The following C5orf63 variants were observed in gnomAD, a reference collection of about 807,000 sequenced individuals.
The protein encoded by C5orf63 is glutaredoxin-like protein C5orf63.
A neutral mutation model predicts 13.3 loss-of-function variants in C5orf63; 18 were observed. That is an observed-to-expected ratio of 1.36 (90% confidence interval 0.94 to 2.01). C5orf63 has a LOEUF of 2.01. Among genes scored for constraint, C5orf63 ranks in the 30% most tolerant of loss-of-function variants. The pLI, the probability that C5orf63 is intolerant of heterozygous loss-of-function variation, is 0.00. For missense variants in C5orf63, 118 were observed against 127.7 expected, an observed-to-expected ratio of 0.92 and a Z score of 0.36; for synonymous variants, 38 against 44.7, an observed-to-expected ratio of 0.85 and a Z score of 0.60.
chr5:127,051,759 T>C lies in C5orf63; in HGVS notation c.*12A>G, dbSNP rs1753682573. The stretch of plus-strand genomic sequence containing the variant: ...TATGGGAAGAGAGGGTGGAAAATCA[T>C]GAGGGCATCAGTCAGCCTCCAGTAC... On this transcript the variant is annotated 3_prime_UTR_variant, in exon 5 of 5. Coordinates refer to ENST00000296662, the MANE Select transcript of C5orf63 (RefSeq NM_001164478.2). 2 of 1,483,280 alleles carry C rather than the reference T, an allele frequency of 1.3e-6. No individual in the cohort carries two copies. Among genetic ancestry groups the C allele is most frequent in the South Asian group, 1.3e-5 (1 of 74,726 alleles). 91.9% of individuals were successfully genotyped at this position (1,483,280 alleles called of 1,614,324 possible). A position where few individuals can be genotyped will look rare whatever the true frequency, so the allele number is the denominator to read the frequency against.
At chr5:127,064,995 T>G (rs770728366) in intron 2 of C5orf63, among the ~76,000 whole-genome samples, 40 of 152,190 alleles carry the variant, frequency 2.6e-4, no homozygotes, top group Admixed American at 5.9e-4. Context: ...TTAATTTTTT[T>G]TTTGTATCCT....
intron 3 of C5orf63, chr5:127,056,387 T>C (rs1263564579): frequency 6.5e-6 from 1 of 152,768 alleles, no homozygotes; most frequent in Admixed American, 6.5e-5. Flanking sequence ...AAGAGGTTTA[T>C]TGGACTTACA....
chr5:127,059,126 G>C, intron 2 of C5orf63, 124 bp from the exon 3 acceptor site: 1 of 673,752 alleles, frequency 1.5e-6, no homozygotes, highest in Non-Finnish European at 2.6e-6. Context: ...TCAAGTCCAG[G>C]AGTGTTGGAA....
At chr5:127,045,525 T>C (rs1457328918) in exon 5 of C5orf63, 7 of 152,162 alleles carry the variant, frequency 4.6e-5, no homozygotes, top group African/African-American at 1.2e-4. Context: ...GCTTAGATAA[T>C]GCAATATAAT....
chr5:127,054,469 C>T (rs1036020617), intron 3 of C5orf63, among the ~76,000 whole-genome samples: 1 of 152,144 alleles, frequency 6.6e-6, no homozygotes, highest in Non-Finnish European at 1.5e-5. Context: ...TTTTGATTTG[C>T]ATTTCTCTGA....
At chr5:127,070,469 A>C (rs1754495864) in intron 2 of C5orf63, among the ~76,000 whole-genome samples, 2 of 152,226 alleles carry the variant, frequency 1.3e-5, no homozygotes, top group African/African-American at 4.8e-5. Context: ...TGGCAACAGA[A>C]GGCAGCAGCA....
Position 127,051,765 on chromosome 5 carries a change from C to A in C5orf63, c.*6G>T. On this transcript the variant is annotated 3_prime_UTR_variant, in exon 5 of 5. Transcript: ENST00000296662. ...AAGAGAGGGTGGAAAATCATGAGGG[C>A]ATCAGTCAGCCTCCAGTACTTTGCT... The A allele has an allele frequency of 6.7e-7, 1 of 1,493,938 alleles. No homozygotes were observed. The highest frequency in any genetic ancestry group is 8.9e-7 in the Non-Finnish European group (1 of 1,127,084). 92.5% of individuals were successfully genotyped at this position (1,493,938 alleles called of 1,614,324 possible).
At chr5:127,058,825 C>T in intron 3 of C5orf63, 57 bp downstream of exon 3, 5 of 1,159,532 alleles carry the variant, frequency 4.3e-6, no homozygotes, top group Non-Finnish European at 6.2e-6. Context: ...AACTTTGTCC[C>T]TTTTTCTTAA....
At chr5:127,056,172 T>C (rs1361058626) in intron 3 of C5orf63, among the ~76,000 whole-genome samples, 1 of 152,158 alleles carries the variant, frequency 6.6e-6, no homozygotes, top group Non-Finnish European at 1.5e-5. Context: ...GAAACCTGAC[T>C]TAGGCTCAGG....
intron 2 of C5orf63, among the ~76,000 whole-genome samples, chr5:127,070,722 T>TA (rs2126904394): frequency 6.6e-6 from 1 of 152,318 alleles, no homozygotes; most frequent in African/African-American, 2.4e-5. Context: ...TTCAAACAGA[T>TA]ACTCTTCAAA....
chr5:127,064,615 T>C (rs1754251186), intron 2 of C5orf63, among the ~76,000 whole-genome samples: 2 of 152,200 alleles, frequency 1.3e-5, no homozygotes, highest in African/African-American at 4.8e-5. Flanking sequence ...ACTCCCTCTA[T>C]GCAGCTTCTA....
In C5orf63 at chr5:127,051,487, A is replaced by G. The variant is rs1258517933; in HGVS notation, c.*284T>C. On this transcript the variant is annotated 3_prime_UTR_variant, in exon 5 of 5. Transcript: ENST00000296662. ...CCCAGTGACTGTGAAGTGCTTCTCT[A>G]TTAATACAAAAAGGATAAATAAGAC... is the stretch of plus-strand genomic sequence containing the variant. 2.4e-6 allele frequency: 3 copies of G among 1,235,062 alleles called. No individual in the cohort carries two copies. Among genetic ancestry groups the G allele is most frequent in the Non-Finnish European group, 3.0e-6 (3 of 990,014 alleles). 76.5% of individuals were successfully genotyped at this position (1,235,062 alleles called of 1,614,324 possible). A position where few individuals can be genotyped will look rare whatever the true frequency, so the allele number is the denominator to read the frequency against.
chr5:127,059,728 CAAAAAA>C (rs58498141), intron 2 of C5orf63, among the ~76,000 whole-genome samples: 4 of 99,236 alleles, frequency 4.0e-5, no homozygotes, highest in African/African-American at 1.1e-4. Flanking sequence ...GATCTTATCT[CAAAAAA>C]AAAAAAAAAG....
chr5:127,048,487 C>G (rs1168503693), downstream of C5orf63, among the ~76,000 whole-genome samples: 1 of 152,080 alleles, frequency 6.6e-6, no homozygotes, highest in Non-Finnish European at 1.5e-5. Flanking sequence ...TATGAAGTGA[C>G]TCCCAACCTT....
intron 1 of C5orf63, among the ~76,000 whole-genome samples, chr5:127,072,620 G>C (rs945880101): frequency 2.0e-5 from 3 of 151,974 alleles, no homozygotes; most frequent in Non-Finnish European, 4.4e-5. Flanking sequence ...TTGGGGTCAA[G>C]CTAAGGCCAT....
At chr5:127,051,216 G>T, downstream of C5orf63, 1 of 858,520 alleles carries the variant, frequency 1.2e-6, no homozygotes, top group Non-Finnish European at 1.5e-6. Flanking sequence ...TCTTTGGCTA[G>T]GATAATAATT....
downstream of C5orf63, chr5:127,046,728 T>A (rs755784066): frequency 6.6e-6 from 1 of 152,224 alleles, no homozygotes; most frequent in Non-Finnish European, 1.5e-5. Context: ...TTGTAAAATA[T>A]AAGCTGAGTA....
chr5:127,051,647 G>A lies in C5orf63; in HGVS notation c.*124C>T, dbSNP rs1208657102. On this transcript the variant is annotated 3_prime_UTR_variant, in exon 5 of 5. Coordinates refer to ENST00000296662, the MANE Select transcript of C5orf63 (RefSeq NM_001164478.2). ...AAAGGGGAATGTCAACATTTATTTG[G>A]CACCACTGAATTCAGAACATCCTTA... The A allele has an allele frequency of 7.8e-7, 1 of 1,280,438 alleles. No homozygotes were observed. The highest frequency in any genetic ancestry group is 9.9e-7 in the Non-Finnish European group (1 of 1,014,948). 79.3% of individuals were successfully genotyped at this position (1,280,438 alleles called of 1,614,324 possible).
intron 3 of C5orf63, among the ~76,000 whole-genome samples, chr5:127,053,468 T>C (rs573970743): frequency 5.7e-4 from 87 of 152,190 alleles, no homozygotes; most frequent in Non-Finnish European, 1.1e-3. Flanking sequence ...AGTTCTAGGG[T>C]ACATGTGCAC....
Sources: gnomAD v4.1 joint callset for allele counts (sites outside exome capture counted in the v4.1 genomes callset) on GRCh38, gnomAD v4.1.1 for gene constraint, MANE v1.5 for transcripts, NCBI Gene and HGNC (gene_info 2026-07-23, HGNC 2026-07-21) for gene names.